The following GRIA4 variants were observed in gnomAD, a reference collection of about 807,000 sequenced individuals.
The protein encoded by GRIA4 is glutamate ionotropic receptor AMPA type subunit 4, also known as glutamate receptor 4.
Under a neutral mutation model 104.0 loss-of-function variants are expected in GRIA4, and 34 were observed. The ratio of observed to expected loss-of-function variants is 0.33; its 90% CI spans 0.25 to 0.44. The LOEUF (loss-of-function observed/expected upper bound fraction) is 0.44, where lower values mean the gene tolerates loss of function less well. Among genes scored for constraint, GRIA4 ranks in the 20% least tolerant of loss-of-function variants. The pLI is 1.00. For synonymous variants in GRIA4, 386 were observed against 381.9 expected (o/e 1.01, Z -0.13); for missense variants, 750 against 1,096.5 (o/e 0.68, Z 4.46).
intron 10 of GRIA4, among the ~76,000 whole-genome samples, chr11:105,910,950 AAT>A (rs1947214968): frequency 6.6e-6 from 1 of 152,260 alleles, no homozygotes; most frequent in East Asian, 1.9e-4. Context: ...AATAATAATT[AAT>A]AGTGTTTAAA....
intron 3 of GRIA4, among the ~76,000 whole-genome samples, chr11:105,690,416 T>A (rs1953042447): frequency 6.6e-6 from 1 of 152,212 alleles, no homozygotes; most frequent in Non-Finnish European, 1.5e-5. Flanking sequence ...GGTGTATGTG[T>A]TTAAATTTGC....
chr11:105,803,861 AAGAGAG>A (rs1206118933), intron 4 of GRIA4, among the ~76,000 whole-genome samples: 102 of 147,054 alleles, frequency 6.9e-4, no homozygotes, highest in Non-Finnish European at 1.2e-3. Flanking sequence ...AAAAAAAAAA[AAGAGAG>A]AGAGAGAGAG....
rs532237618 is a variant in GRIA4 at position 105,960,584 on chromosome 11, A to G, written c.2295-11330A>G. Among the ~76,000 whole-genome samples, 15 of 152,302 alleles carry G rather than the reference A, an allele frequency of 9.8e-5. No individual in the cohort carries two copies. The South Asian group carries it at 2.3e-3, about 23-fold the overall frequency. On this transcript the variant is annotated intron_variant, in intron 14 of 16. Coordinates refer to ENST00000282499, the MANE Select transcript of GRIA4 (RefSeq NM_000829.4). ...AGCATGTTAGGCAATTGTGAGTCCC[A>G]GTACTGGCTGCCGCCCCTCCCCCAA...
intron 3 of GRIA4, among the ~76,000 whole-genome samples, chr11:105,643,329 T>C (rs1302407514): frequency 6.6e-6 from 1 of 152,208 alleles, no homozygotes; most frequent in African/African-American, 2.4e-5. Context: ...GACATCAATG[T>C]TAAGATCAAG....
chr11:105,756,760 A>G (rs1469075094), intron 4 of GRIA4, among the ~76,000 whole-genome samples: 2 of 15,668 alleles, frequency 1.3e-4, no homozygotes, highest in Admixed American at 6.2e-4. Context: ...GACTCTCAGG[A>G]AAAAAAAAAA....
intron 4 of GRIA4, among the ~76,000 whole-genome samples, chr11:105,826,698 C>T (rs1943783081): frequency 6.6e-6 from 1 of 151,990 alleles, no homozygotes; most frequent in South Asian, 2.1e-4. Flanking sequence ...TCTCACTCAG[C>T]GAGGGTTTGC....
chr11:105,684,709 T>G (rs894660917), intron 3 of GRIA4, among the ~76,000 whole-genome samples: 4 of 150,820 alleles, frequency 2.7e-5, no homozygotes, highest in Non-Finnish European at 4.4e-5. Flanking sequence ...GAATTTGATT[T>G]AAATAAAACC....
chr11:105,904,811 A>G lies in GRIA4; in HGVS notation c.1054-386A>G, dbSNP rs553487316. On this transcript the variant is annotated intron_variant, in intron 8 of 16. Coordinates refer to ENST00000282499, the MANE Select transcript of GRIA4 (RefSeq NM_000829.4). Reference sequence around the variant, plus strand: ...TAATTTTAATATTAGCAAGGTGAGAATATGATCTGGCATAAGTATCAGGGT... The same window carrying G: ...TAATTTTAATATTAGCAAGGTGAGAGTATGATCTGGCATAAGTATCAGGGT... Among the ~76,000 whole-genome samples, 46 of 152,310 alleles carry G rather than the reference A, an allele frequency of 3.0e-4. No homozygotes were observed. The East Asian group carries it at 7.1e-3, about 24-fold the overall frequency.
intron 14 of GRIA4, among the ~76,000 whole-genome samples, chr11:105,959,044 T>C (rs918459915): frequency 7.9e-5 from 12 of 152,148 alleles, no homozygotes; most frequent in Non-Finnish European, 7.4e-5. Flanking sequence ...CCCTGAACAG[T>C]TTTCCCTTCA....
chr11:105,703,025 T>C (rs959017478), intron 3 of GRIA4, among the ~76,000 whole-genome samples: 1 of 152,114 alleles, frequency 6.6e-6, no homozygotes, highest in African/African-American at 2.4e-5. Context: ...GCTAGAAAAG[T>C]GATGAAATCT....
At chr11:105,850,842 C>T (rs1244082271) in intron 4 of GRIA4, among the ~76,000 whole-genome samples, 5 of 152,084 alleles carry the variant, frequency 3.3e-5, no homozygotes, top group Non-Finnish European at 5.9e-5. Flanking sequence ...AGCAGTGCTT[C>T]GTGGTCAGGG....
At chr11:105,661,999 G>GTGTGGGTT (rs1555093737) in intron 3 of GRIA4, among the ~76,000 whole-genome samples, 2 of 39,352 alleles carry the variant, frequency 5.1e-5, no homozygotes, top group Admixed American at 4.1e-4. Flanking sequence ...AACTGTGTGT[G>GTGTGGGTT]TGTGTGTTTG....
chr11:105,866,551 G>GTATATATATATATATATATATA (rs71041633), intron 5 of GRIA4, among the ~76,000 whole-genome samples: 12 of 76,708 alleles, frequency 1.6e-4, no homozygotes, highest in South Asian at 5.1e-4. Flanking sequence ...GTGTGTGTGT[G>GTATATATATATATATATATATA]TATATATATA....
At chr11:105,870,330 T>A (rs1194558953) in intron 5 of GRIA4, among the ~76,000 whole-genome samples, 1 of 151,808 alleles carries the variant, frequency 6.6e-6, no homozygotes, top group Non-Finnish European at 1.5e-5. Context: ...AATTTTCTTG[T>A]CTCTGCCCAC....
chr11:105,940,609 A>G (rs1248357659), intron 14 of GRIA4, among the ~76,000 whole-genome samples: 3 of 152,162 alleles, frequency 2.0e-5, no homozygotes, highest in Non-Finnish European at 4.4e-5. Flanking sequence ...AGAATTGTAT[A>G]TGATGCTGCT....
chr11:105,733,276 G>T (rs947889493), intron 3 of GRIA4, among the ~76,000 whole-genome samples: 1 of 152,074 alleles, frequency 6.6e-6, no homozygotes, highest in Admixed American at 6.6e-5. Flanking sequence ...GTCAGTATAC[G>T]TATATACATA....
At chr11:105,963,012 AT>A (rs952782578) in intron 14 of GRIA4, among the ~76,000 whole-genome samples, 1 of 152,116 alleles carries the variant, frequency 6.6e-6, no homozygotes, top group African/African-American at 2.4e-5. Flanking sequence ...TGTGACATCA[AT>A]TTTGAAGTCT....
At chr11:105,898,838 C>G (rs1417574110) in intron 7 of GRIA4, among the ~76,000 whole-genome samples, 1 of 146,934 alleles carries the variant, frequency 6.8e-6, no homozygotes, top group African/African-American at 2.5e-5. Context: ...TGCAAAAGTT[C>G]TTTCAAATTA....
intron 3 of GRIA4, among the ~76,000 whole-genome samples, chr11:105,748,356 CAA>C (rs1347540851): frequency 6.7e-6 from 1 of 150,138 alleles, no homozygotes; most frequent in East Asian, 2.0e-4. Context: ...ATGGTATTCT[CAA>C]AAGTCACACA....
Sources: allele counts gnomAD v4.1 joint callset (sites outside exome capture counted in the v4.1 genomes callset), GRCh38; gene constraint gnomAD v4.1.1; transcripts MANE v1.5; gene names NCBI Gene and HGNC (gene_info 2026-07-23, HGNC 2026-07-21).